CAMKMT: variants seen among roughly 807,000 people sequenced by gnomAD.
The protein encoded by CAMKMT is CaM KMT.
In CAMKMT, 53 loss-of-function variants were observed where a neutral mutation model predicts 48.0. The observed-to-expected ratio is 1.10, with a 90% CI of 0.89 to 1.39. CAMKMT has a LOEUF of 1.39. Among genes scored for constraint, CAMKMT ranks in the 40% most tolerant of loss-of-function variants. The pLI is 0.00. For missense variants in CAMKMT, 428 were observed against 402.7 expected, an observed-to-expected ratio of 1.06 and a Z score of -0.54; for synonymous variants, 165 against 152.3, an observed-to-expected ratio of 1.08 and a Z score of -0.61.
chr2:44,597,212 T>C (rs1670716292), intron 3 of CAMKMT, among the ~76,000 whole-genome samples: 1 of 152,226 alleles, frequency 6.6e-6, no homozygotes, highest in African/African-American at 2.4e-5. Flanking sequence ...ATATGACTGC[T>C]TTTATACAGG....
At chr2:44,533,518 C>T (rs1227286199) in intron 3 of CAMKMT, among the ~76,000 whole-genome samples, 1 of 152,194 alleles carries the variant, frequency 6.6e-6, no homozygotes, top group Non-Finnish European at 1.5e-5. Context: ...GGATTACAGG[C>T]ATGAGCCACT....
intron 3 of CAMKMT, chr2:44,392,157 AT>A (rs1681405240): frequency 6.6e-6 from 1 of 152,152 alleles, no homozygotes; most frequent in African/African-American, 2.4e-5. Flanking sequence ...GTCTTATACT[AT>A]TTTAATTGAA....
rs757076545 is a variant in CAMKMT at position 44,518,967 on chromosome 2, C to T, written c.376+128662C>T. Among the ~76,000 whole-genome samples the T allele has an allele frequency of 5.3e-5, 8 of 152,242 alleles. No homozygotes were observed. In the East Asian group the frequency reaches 7.7e-4, roughly 15 times the overall value. ...TACCTACCATAATGATACTTCTTTCCGTGTTGTCGGTTCTTATTTTATAAT... is the reference window on the plus strand; with the variant it reads ...TACCTACCATAATGATACTTCTTTCTGTGTTGTCGGTTCTTATTTTATAAT... On this transcript the variant is annotated intron_variant, in intron 3 of 10. Transcript: ENST00000378494.
At chr2:44,636,450 G>A (rs1673141405) in intron 3 of CAMKMT, among the ~76,000 whole-genome samples, 1 of 152,224 alleles carries the variant, frequency 6.6e-6, no homozygotes, top group Non-Finnish European at 1.5e-5. Context: ...CTTCAGCTCA[G>A]CAGGTCTCTG....
intron 3 of CAMKMT, among the ~76,000 whole-genome samples, chr2:44,482,509 T>TA (rs1669023704): frequency 6.6e-6 from 1 of 152,146 alleles, no homozygotes; most frequent in African/African-American, 2.4e-5. Context: ...ACTACATAAA[T>TA]AAGAGTGTTA....
chr2:44,537,782 T>TA (rs1218301242), intron 3 of CAMKMT, among the ~76,000 whole-genome samples: 1 of 152,192 alleles, frequency 6.6e-6, no homozygotes, highest in African/African-American at 2.4e-5. Flanking sequence ...TGGCTGTTCT[T>TA]GAACTACTGG....
intron 3 of CAMKMT, among the ~76,000 whole-genome samples, chr2:44,563,744 G>A (rs1022114284): frequency 1.3e-5 from 2 of 152,042 alleles, no homozygotes; most frequent in Non-Finnish European, 2.9e-5. Flanking sequence ...TGTCTTTGGC[G>A]ATAGTTTGCT....
At chr2:44,685,973 A>G (rs1164827777) in intron 3 of CAMKMT, among the ~76,000 whole-genome samples, 1 of 152,140 alleles carries the variant, frequency 6.6e-6, no homozygotes, top group Non-Finnish European at 1.5e-5. Flanking sequence ...GAGTAACTTA[A>G]GAAGATGGAA....
intron 3 of CAMKMT, among the ~76,000 whole-genome samples, chr2:44,600,641 G>A (rs892227511): frequency 2.4e-4 from 36 of 152,014 alleles, no homozygotes; most frequent in African/African-American, 8.5e-4. Flanking sequence ...CTCAACTTGG[G>A]CAAGGTTGTT....
At chr2:44,464,533 A>T (rs1400209581) in intron 3 of CAMKMT, among the ~76,000 whole-genome samples, 1 of 152,198 alleles carries the variant, frequency 6.6e-6, no homozygotes, top group Non-Finnish European at 1.5e-5. Flanking sequence ...GCACACTGTG[A>T]CACATTATAA....
At chr2:44,492,992 C>G (rs1669582485) in intron 3 of CAMKMT, among the ~76,000 whole-genome samples, 1 of 151,242 alleles carries the variant, frequency 6.6e-6, no homozygotes, top group Non-Finnish European at 1.5e-5. Flanking sequence ...CTCCTGGGTT[C>G]AAGCGATTCT....
intron 7 of CAMKMT, among the ~76,000 whole-genome samples, chr2:44,734,563 C>T (rs1259743532): frequency 6.6e-6 from 1 of 151,988 alleles, no homozygotes; most frequent in African/African-American, 2.4e-5. Context: ...TACAGGCATG[C>T]ACCACCATGC....
chr2:44,704,303 G>A lies in CAMKMT; in HGVS notation c.397G>A (p.Val133Ile), dbSNP rs1162602393. 1.2e-6 allele frequency: 2 copies of A among 1,610,670 alleles called. No individual in the cohort carries two copies. Among genetic ancestry groups the A allele is most frequent in the Non-Finnish European group, 1.7e-6 (2 of 1,178,334 alleles). The change falls in exon 4 of 11, where the codon GTT (valine) becomes ATT (isoleucine). Residue 133 changes from valine (V) to isoleucine (I), a missense_variant. Transcript: ENST00000378494. ...GNVCIWPSEEVLAYYCLKHNN... is the reference protein window; with the variant it reads ...GNVCIWPSEEILAYYCLKHNN... ...TCTAGGCATCTGGCCATCTGAAGAG[G>A]TTTTGGCTTACTACTGCCTCAAGCA...
intron 3 of CAMKMT, among the ~76,000 whole-genome samples, chr2:44,538,782 A>T (rs1427253600): frequency 7.2e-5 from 1 of 13,868 alleles, no homozygotes; most frequent in Admixed American, 1.1e-3. Context: ...ATAATCATTT[A>T]AAAAAAGTTT....
At chr2:44,367,330 C>T (rs541869462) in intron 1 of CAMKMT, among the ~76,000 whole-genome samples, 27 of 152,160 alleles carry the variant, frequency 1.8e-4, no homozygotes, top group Admixed American at 1.4e-3. Flanking sequence ...TTTTGAGAGC[C>T]GACATGTTGC....
intron 3 of CAMKMT, among the ~76,000 whole-genome samples, chr2:44,682,627 A>G (rs1223831310): frequency 1.3e-5 from 2 of 152,170 alleles, no homozygotes; most frequent in East Asian, 3.8e-4. Context: ...GATTCCCCCT[A>G]TCTTGGCATT....
At chr2:44,600,218 CTTCACCA>C in intron 3 of CAMKMT, among the ~76,000 whole-genome samples, 1 of 152,080 alleles carries the variant, frequency 6.6e-6, no homozygotes, top group African/African-American at 2.4e-5. Context: ...TTCTCCTCAG[CTTCACCA>C]TTCCATTACA....
rs992269201 is a variant in CAMKMT, at chr2:44,707,283, T to A, written c.493-116T>A. ...CATAAAATGAAAAAAGATTGAAGAT[T>A]GTTACAGAGAAATAGGTGAGGAAGC... On this transcript the variant is annotated intron_variant, in intron 5 of 10. Transcript: ENST00000378494. 1.0e-5 allele frequency: 8 copies of A among 789,464 alleles called. No homozygotes were observed. In the African/African-American group the frequency reaches 1.1e-4, roughly 10 times the overall value. The allele number at this position is 789,464 out of a possible 1,614,324, so 48.9% of individuals were successfully genotyped here.
intron 9 of CAMKMT, among the ~76,000 whole-genome samples, chr2:44,758,715 G>T (rs1487140994): frequency 1.3e-5 from 2 of 152,168 alleles, no homozygotes; most frequent in Non-Finnish European, 2.9e-5. Flanking sequence ...TTGATAGGGT[G>T]ACTCACTGTC....
Sources: gnomAD v4.1 joint callset for allele counts (sites outside exome capture counted in the v4.1 genomes callset) on GRCh38, gnomAD v4.1.1 for gene constraint, MANE v1.5 for transcripts, NCBI Gene and HGNC (gene_info 2026-07-23, HGNC 2026-07-21) for gene names.